NFIC: variants seen among roughly 807,000 people sequenced by gnomAD.
The protein encoded by NFIC is nuclear factor 1 C-type.
NFIC carries 12 observed loss-of-function variants against 54.4 expected under a neutral mutation model. The ratio of observed to expected loss-of-function variants is 0.22; its 90% CI spans 0.14 to 0.36. The LOEUF (loss-of-function observed/expected upper bound fraction) is 0.36. Ranked by LOEUF, NFIC falls within the 10% of genes least tolerant of loss-of-function variation. NFIC has a pLI of 1.00. For missense variants in NFIC, 575 were observed against 718.2 expected (o/e 0.80, Z 2.28); for synonymous variants, 322 against 319.2 (o/e 1.01, Z -0.09).
At chr19:3,451,812 T>TA (rs57508399) in intron 7 of NFIC, among the ~76,000 whole-genome samples, 68,577 of 133,502 alleles carry the variant, frequency 0.51, 19,963 homozygotes, top group Middle Eastern at 0.71. Context: ...ATCCTCTGTT[T>TA]AAAAAAAAAA....
intron 2 of NFIC, among the ~76,000 whole-genome samples, chr19:3,387,031 T>C (rs907765006): frequency 1.3e-5 from 2 of 151,696 alleles, no homozygotes; most frequent in Non-Finnish European, 2.9e-5. Flanking sequence ...CCAGCCAGAG[T>C]GCAGTGTCTG....
intron 9 of NFIC, chr19:3,454,127 C>T: frequency 7.4e-7 from 1 of 1,346,534 alleles, no homozygotes. Flanking sequence ...AGCCTCGGGC[C>T]AGGGTGAGAG....
intron 6 of NFIC, among the ~76,000 whole-genome samples, chr19:3,437,274 A>G (rs2082218337): frequency 6.6e-6 from 1 of 152,052 alleles, no homozygotes; most frequent in South Asian, 2.1e-4. Flanking sequence ...AGGCTGAGGC[A>G]GGAGAATGGC....
chr19:3,430,002 T>C (rs2082096345), intron 3 of NFIC, among the ~76,000 whole-genome samples: 1 of 152,096 alleles, frequency 6.6e-6, no homozygotes, highest in Non-Finnish European at 1.5e-5. Context: ...GTCTGTAAAA[T>C]GCCACCATCT....
intron 6 of NFIC, 25 bp from the exon 7 acceptor site, chr19:3,448,989 C>A (rs753952118): frequency 7.8e-5 from 125 of 1,602,522 alleles, no homozygotes; most frequent in Non-Finnish European, 1.0e-4. Flanking sequence ...CAGCCTGTGA[C>A]TCTCTCGTCC....
intron 1 of NFIC, among the ~76,000 whole-genome samples, chr19:3,379,909 T>G (rs1430431476): frequency 1.3e-5 from 2 of 152,076 alleles, no homozygotes. Flanking sequence ...CTTGAACTCC[T>G]GGGCTCAAGC....
rs146319450 is a variant in NFIC, at chr19:3,456,248, G to A, written c.1424-302G>A. Among the ~76,000 whole-genome samples the A allele has an allele frequency of 3.3e-3, 500 of 152,330 alleles. 2 individuals carry two copies. The highest frequency in any genetic ancestry group is 0.012 in the African/African-American group (490 of 41,570). ...GCTGCCCACCCTGAATAATTCACGG[G>A]CGGTTTTGTGAATTACAGAGCCATC... On this transcript the variant is annotated intron_variant, in intron 9 of 10. Transcript: ENST00000443272.
chr19:3,428,181 A>AAAAG (rs1555753904), intron 3 of NFIC, among the ~76,000 whole-genome samples: 3 of 151,044 alleles, frequency 2.0e-5, no homozygotes, highest in Non-Finnish European at 3.0e-5. Flanking sequence ...CAAAAAAAAA[A>AAAAG]AAAAGAAAAG....
intron 2 of NFIC, among the ~76,000 whole-genome samples, chr19:3,401,067 G>A (rs886482217): frequency 2.6e-5 from 4 of 152,326 alleles, no homozygotes; most frequent in Admixed American, 1.3e-4. Flanking sequence ...GGCACAGCCC[G>A]TGCAAAGGCC....
In NFIC at chr19:3,375,239, C is replaced by T. The variant is rs1051688702; in HGVS notation, c.31-6473C>T. On this transcript the variant is annotated intron_variant, in intron 1 of 10. Coordinates refer to ENST00000443272, the MANE Select transcript of NFIC (RefSeq NM_001245002.2). The surrounding 1 kb of genome is among the most constrained non-coding windows in gnomAD (Gnocchi z 4.6). The stretch of plus-strand genomic sequence containing the variant: ...AGCCTCTTATCACAGCCCCAGTAAG[C>T]GCCAGAGCTTGGGTGGCAGCCACGG... Among the ~76,000 whole-genome samples, 4 of 152,130 alleles carry T rather than the reference C, an allele frequency of 2.6e-5. No homozygotes were observed. The highest frequency in any genetic ancestry group is 5.9e-5 in the Non-Finnish European group (4 of 68,010).
chr19:3,371,772 C>T (rs942495188), intron 1 of NFIC, among the ~76,000 whole-genome samples: 4 of 152,116 alleles, frequency 2.6e-5, no homozygotes, highest in African/African-American at 9.7e-5. Flanking sequence ...GTAAGCCCAG[C>T]TTTGGGCTGG....
At chr19:3,430,635 C>T (rs2082104684) in intron 3 of NFIC, among the ~76,000 whole-genome samples, 1 of 152,184 alleles carries the variant, frequency 6.6e-6, no homozygotes, top group African/African-American at 2.4e-5. Context: ...GTCTCTGTGG[C>T]TTGGCCTGTC....
At chr19:3,444,179 T>C (rs1599703743) in intron 6 of NFIC, among the ~76,000 whole-genome samples, 1 of 111,684 alleles carries the variant, frequency 9.0e-6, no homozygotes, top group African/African-American at 3.6e-5. Context: ...TTTTGTCAAA[T>C]AGAGGAGGTC....
chr19:3,382,382 A>G (rs2081226178), intron 2 of NFIC, 139 bp downstream of exon 2: 2 of 1,245,818 alleles, frequency 1.6e-6, no homozygotes, highest in Non-Finnish European at 2.2e-6. Context: ...TGGGCCTTGG[A>G]GAGTGCCCAA....
chr19:3,450,116 C>A (rs1020038613), intron 7 of NFIC, among the ~76,000 whole-genome samples: 1 of 151,952 alleles, frequency 6.6e-6, no homozygotes, highest in African/African-American at 2.4e-5. Flanking sequence ...GATTTCAAGG[C>A]GGGCGGATTA....
At chr19:3,395,510 T>TTA (rs2081448172) in intron 2 of NFIC, among the ~76,000 whole-genome samples, 1 of 149,728 alleles carries the variant, frequency 6.7e-6, no homozygotes. Context: ...TTTTTTTTTT[T>TTA]AGTAGAGATG....
At chr19:3,456,198 C>G (rs2082551992) in intron 9 of NFIC, among the ~76,000 whole-genome samples, 1 of 152,256 alleles carries the variant, frequency 6.6e-6, no homozygotes. Context: ...GCGGAGGCAG[C>G]CCTCAGTGGC....
rs1182819866 is a variant in NFIC at position 3,458,098 on chromosome 19, T to C, written c.1509+1463T>C. ...GGGCACTGGGGGACAGAAAGGGCAC[T>C]GAAAGGTTCAGGCTTCCCCACACCC... On this transcript the variant is annotated intron_variant, in intron 10 of 10. Transcript: ENST00000443272. The surrounding 1 kb of genome is among the most constrained non-coding windows in gnomAD (Gnocchi z 4.1). The C allele has an allele frequency of 1.3e-5, 2 of 152,402 alleles. No individual in the cohort carries two copies. The highest frequency in any genetic ancestry group is 1.5e-5 in the Non-Finnish European group (1 of 68,160). 9.4% of individuals were successfully genotyped at this position (152,402 alleles called of 1,614,324 possible). A position where few individuals can be genotyped will look rare whatever the true frequency, so the allele number is the denominator to read the frequency against.
At chr19:3,392,965 G>C (rs2081398312) in intron 2 of NFIC, among the ~76,000 whole-genome samples, 1 of 152,170 alleles carries the variant, frequency 6.6e-6, no homozygotes, top group Non-Finnish European at 1.5e-5. Context: ...TTTGGAGACG[G>C]AGTTTTGCCC....
Sources: gnomAD v4.1 joint callset for allele counts (sites outside exome capture counted in the v4.1 genomes callset) on GRCh38, gnomAD v4.1.1 for gene constraint, Gnocchi (gnomAD v3.1) non-coding constraint, MANE v1.5 for transcripts, NCBI Gene and HGNC (gene_info 2026-07-23, HGNC 2026-07-21) for gene names.